ACACB: variants seen among roughly 807,000 people sequenced by gnomAD.
The protein encoded by ACACB is acetyl-CoA carboxylase 2.
A neutral mutation model predicts 278.8 loss-of-function variants in ACACB; 209 were observed. The observed-to-expected ratio is 0.75, with a 90% CI of 0.67 to 0.84. ACACB has a LOEUF of 0.84. ACACB is among the 40% of genes least tolerant of loss of function. The pLI, the probability that ACACB is intolerant of heterozygous loss-of-function variation, is 0.00. For missense variants in ACACB, 2,850 were observed against 3,269.0 expected, an observed-to-expected ratio of 0.87 and a Z score of 3.13; for synonymous variants, 1,174 against 1,285.6, an observed-to-expected ratio of 0.91 and a Z score of 1.86.
rs1241075168 is a variant in ACACB at position 109,153,501 on chromosome 12, G to A, written c.654-13360G>A. 7.9e-5 allele frequency among the ~76,000 whole-genome samples: 12 copies of A among 152,280 alleles called. No individual in the cohort carries two copies. The East Asian group carries it at 1.2e-3, about 15-fold the overall frequency. ...AATTAATGTGTACACTGGGAGAACC[G>A]CAGAGTGATTACCCAGAAGGGAATT... On this transcript the variant is annotated intron_variant, in intron 2 of 52. Transcript: ENST00000338432.
chr12:109,121,673 C>T (rs1464287391), intron 1 of ACACB, among the ~76,000 whole-genome samples: 1 of 152,154 alleles, frequency 6.6e-6, no homozygotes, highest in East Asian at 1.9e-4. Flanking sequence ...CTCCCAGCCC[C>T]AAGGACTCAG....
rs1227176158 is a variant in ACACB at position 109,266,281 on chromosome 12, C to T, written c.7296C>T (p.Tyr2432=). 6.2e-7 allele frequency: 1 copy of T among 1,613,814 alleles called. No homozygotes were observed. Among genetic ancestry groups the T allele is most frequent in the Non-Finnish European group, 8.5e-7 (1 of 1,179,982 alleles). The change falls in exon 53 of 53, where the codon TAC becomes TAT. Residue 2432 remains tyrosine, a synonymous_variant. Transcript: ENST00000338432. Reference sequence around the variant, plus strand: ...AGGTGGCCGTGGACTGTGTGATATACCTGAGCCAGCACATCAGCCCAGCTG... The same window carrying T: ...AGGTGGCCGTGGACTGTGTGATATATCTGAGCCAGCACATCAGCCCAGCTG... ...NPEVAVDCVI[Y]LSQHISPAER...
In ACACB at chr12:109,209,149, G is replaced by C. The variant is rs772541884; in HGVS notation, c.3061-16G>C. The C allele has an allele frequency of 4.4e-6, 7 of 1,579,690 alleles. No homozygotes were observed. The East Asian group carries it at 1.6e-4, about 36-fold the overall frequency. ...CCATGCAGGGCTGGGGGCTGATGCTGTGGTCCCCGCTTCAGCTGAAGGAGT... is the reference window on the plus strand; with the variant it reads ...CCATGCAGGGCTGGGGGCTGATGCTCTGGTCCCCGCTTCAGCTGAAGGAGT... On this transcript the variant is annotated splice_polypyrimidine_tract_variant and intron_variant, in intron 20 of 52. Transcript: ENST00000338432.
rs76607403 is a variant in ACACB, at chr12:109,243,020, C to T, written c.5178+428C>T. Among the ~76,000 whole-genome samples, 407 of 152,186 alleles carry T rather than the reference C, an allele frequency of 2.7e-3. 1 individual carries two copies. Among genetic ancestry groups the T allele is most frequent in the African/African-American group, 9.2e-3 (381 of 41,532 alleles). ...GAAAAAGAAATGAATGTGTTGAGAA[C>T]GACTTCATAGTATTTTTCTCCAAAT... On this transcript the variant is annotated intron_variant, in intron 37 of 52. Coordinates refer to ENST00000338432, the MANE Select transcript of ACACB (RefSeq NM_001093.4).
At chr12:109,254,064 T>C (rs2047162810) in intron 43 of ACACB, 150 bp from the exon 44 acceptor site, 1 of 910,672 alleles carries the variant, frequency 1.1e-6, no homozygotes, top group Non-Finnish European at 1.7e-6. Context: ...TATCTGGCAT[T>C]TTCCAATCAG....
chr12:109,240,305 G>A (rs1040416336), intron 35 of ACACB, among the ~76,000 whole-genome samples: 6 of 152,118 alleles, frequency 3.9e-5, no homozygotes, highest in African/African-American at 9.7e-5. Context: ...ACGTGAGACC[G>A]TGAGGTCTGT....
chr12:109,176,473 A>G lies in ACACB; in HGVS notation c.1437+210A>G, dbSNP rs1044791946. Among the ~76,000 whole-genome samples, 6 of 152,196 alleles carry G rather than the reference A, an allele frequency of 3.9e-5. No individual in the cohort carries two copies. The South Asian group carries it at 8.3e-4, about 21-fold the overall frequency. ...TCGATCTTGACAGAATCTTTTAGGT[A>G]GTTCAAGTCTATAAATCAGTGTATC... is the stretch of plus-strand genomic sequence containing the variant. On this transcript the variant is annotated intron_variant, in intron 9 of 52. Coordinates refer to ENST00000338432, the MANE Select transcript of ACACB (RefSeq NM_001093.4).
chr12:109,254,205 CTTTTT>C lies in ACACB; in HGVS notation c.6046-7_6046-3del, dbSNP rs761243410. 5 of 1,613,504 alleles carry C rather than the reference CTTTTT, an allele frequency of 3.1e-6. No homozygotes were observed. The highest frequency in any genetic ancestry group is 4.2e-6 in the Non-Finnish European group (5 of 1,179,712). ...CAGACTAAGTCAGAGACTTGGCTTTCTTTTTTAGGATAATCACAGCCCTGTCCCTA... is the reference window on the plus strand; with the variant it reads ...CAGACTAAGTCAGAGACTTGGCTTTCTAGGATAATCACAGCCCTGTCCCTA... On this transcript the variant is annotated splice_region_variant and splice_polypyrimidine_tract_variant and intron_variant, in intron 43 of 52. Transcript: ENST00000338432.
intron 31 of ACACB, among the ~76,000 whole-genome samples, chr12:109,234,827 T>TA (rs1046097018): frequency 2.0e-5 from 3 of 150,890 alleles, no homozygotes; most frequent in Non-Finnish European, 2.9e-5. Context: ...GGAGGGAACT[T>TA]AGAGGACAGG....
intron 2 of ACACB, among the ~76,000 whole-genome samples, chr12:109,152,640 CTTTTTTTTTT>C (rs34863094): frequency 2.7e-5 from 2 of 74,870 alleles, no homozygotes; most frequent in Admixed American, 1.8e-4. Context: ...TTCTTTCTTT[CTTTTTTTTTT>C]TTTTTTTTTT....
intron 12 of ACACB, among the ~76,000 whole-genome samples, chr12:109,187,776 T>C (rs1269074205): frequency 2.0e-5 from 3 of 151,970 alleles, no homozygotes; most frequent in Non-Finnish European, 4.4e-5. Flanking sequence ...CGTTATTTTT[T>C]TACAGTTAAA....
chr12:109,151,110 G>A (rs563507901), intron 2 of ACACB, among the ~76,000 whole-genome samples: 7 of 151,356 alleles, frequency 4.6e-5, no homozygotes, highest in South Asian at 2.1e-4. Context: ...TCAGCCTCCC[G>A]AGTAGCTGGG....
chr12:109,177,368 A>C (rs1327962481), intron 9 of ACACB, among the ~76,000 whole-genome samples: 1 of 152,130 alleles, frequency 6.6e-6, no homozygotes, highest in African/African-American at 2.4e-5. Context: ...TTTTCTTCTT[A>C]ATTATTTTCT....
chr12:109,201,573 A>C lies in ACACB; in HGVS notation c.2785A>C (p.Lys929Gln). ...GSSYAEMEVMKMIMTLNVQER... is the reference protein window; with the variant it reads ...GSSYAEMEVMQMIMTLNVQER... ...TCTTCTTTTTACGAAATAGGTGATG[A>C]AGATGATCATGACCCTGAACGTTCA... Residue 929 changes from lysine to glutamine, a missense_variant, in exon 19 of 53, where the codon AAG becomes CAG. Physicochemically the swap from Lys to Gln is moderately conservative, Grantham distance 53. This residue lies in a region of ACACB where 2,265 missense variants were observed against 2,561.3 expected (regional missense o/e 0.88). Transcript: ENST00000338432. The C allele has an allele frequency of 6.2e-7, 1 of 1,614,080 alleles. No individual in the cohort carries two copies. The highest frequency in any genetic ancestry group is 1.3e-5 in the African/African-American group (1 of 75,030).
chr12:109,202,442 G>A (rs913255036), intron 19 of ACACB, among the ~76,000 whole-genome samples: 1 of 152,108 alleles, frequency 6.6e-6, no homozygotes, highest in Non-Finnish European at 1.5e-5. Flanking sequence ...AGCCTCCTGA[G>A]TAGCTGGGGA....
intron 2 of ACACB, among the ~76,000 whole-genome samples, chr12:109,143,082 G>A (rs2043158121): frequency 6.6e-6 from 1 of 152,174 alleles, no homozygotes; most frequent in South Asian, 2.1e-4. Flanking sequence ...CAAAGGCTAT[G>A]ATATGGTGAA....
chr12:109,204,460 A>G (rs1434221526), intron 19 of ACACB, among the ~76,000 whole-genome samples: 2 of 151,754 alleles, frequency 1.3e-5, no homozygotes. Context: ...TTTTTAGTAG[A>G]GATGGGGTTT....
intron 2 of ACACB, among the ~76,000 whole-genome samples, chr12:109,161,008 A>AGAAGCCAGCCAG: frequency 6.6e-6 from 1 of 152,330 alleles, no homozygotes; most frequent in African/African-American, 2.4e-5. Flanking sequence ...AAGCTGAACC[A>AGAAGCCAGCCAG]TCAAGCCAGC....
At chr12:109,140,215 TTTCCTTCCTTCCTTCC>T (rs757132750) in intron 2 of ACACB, among the ~76,000 whole-genome samples, 157 bp downstream of exon 2, 4 of 145,362 alleles carry the variant, frequency 2.8e-5, no homozygotes, top group East Asian at 4.0e-4. Flanking sequence ...TTCTCAGAAG[TTTCCTTCCTTCCTTCC>T]TTCCTTCCTT....
Sources: gnomAD v4.1 joint callset for allele counts (sites outside exome capture counted in the v4.1 genomes callset) on GRCh38, gnomAD v4.1.1 for gene constraint, gnomAD v4.1.1 regional missense constraint, MANE v1.5 for transcripts, NCBI Gene and HGNC (gene_info 2026-07-23, HGNC 2026-07-21) for gene names.